ISM2: variants seen among roughly 807,000 people sequenced by gnomAD.
ISM2 encodes isthmin 2, also known as isthmin-2.
A neutral mutation model predicts 58.0 loss-of-function variants in ISM2; 50 were observed. That is an observed-to-expected ratio of 0.86 (90% confidence interval 0.69 to 1.09). The LOEUF (loss-of-function observed/expected upper bound fraction) is 1.09. ISM2 is among the 50% of genes least tolerant of loss of function. The pLI, the probability that ISM2 is intolerant of heterozygous loss-of-function variation, is 0.00. For synonymous variants in ISM2, 303 were observed against 312.4 expected (o/e 0.97, Z 0.32); for missense variants, 723 against 745.0 (o/e 0.97, Z 0.34).
chr14:77,482,221 CA>C, intron 4 of ISM2, 100 bp downstream of exon 4: 1 of 816,132 alleles, frequency 1.2e-6, no homozygotes, highest in Non-Finnish European at 2.0e-6. Context: ...CTGGCTTCCT[CA>C]ATGGTCTTGC....
Position 77,474,881 on chromosome 14 carries a change from A to C in ISM2, c.*714T>G, listed in dbSNP as rs1594944061. ...TGCACATCCCTACAATCAGCAGAAC[A>C]GAGGGGGCTGAGCAAAGGAAAGGGA... On this transcript the variant is annotated 3_prime_UTR_variant, in exon 7 of 7. Transcript: ENST00000342219. 1.3e-5 allele frequency: 2 copies of C among 152,382 alleles called. No homozygotes were observed. The highest frequency in any genetic ancestry group is 2.9e-5 in the Non-Finnish European group (2 of 68,068). The allele number at this position is 152,382 out of a possible 1,614,324, so 9.4% of individuals were successfully genotyped here.
At chr14:77,487,471 G>A (rs756634190) in intron 1 of ISM2, among the ~76,000 whole-genome samples, 7 of 152,210 alleles carry the variant, frequency 4.6e-5, no homozygotes, top group East Asian at 1.9e-4. Context: ...TGCTCAAAAT[G>A]TTCCTTTCCA....
In ISM2 at chr14:77,478,367, A is replaced by G. The variant is rs748816742; in HGVS notation, c.1115-42T>C. 16 of 1,560,552 alleles carry G rather than the reference A, an allele frequency of 1.0e-5. No individual in the cohort carries two copies. In the South Asian group the frequency reaches 1.8e-4, roughly 17 times the overall value. On this transcript the variant is annotated intron_variant, in intron 5 of 6. Transcript: ENST00000342219. The stretch of plus-strand genomic sequence containing the variant: ...GGCCAGGCTGGTGGCTCCGCAGGCC[A>G]CCTCAGTGCCGCTGATGGGGAAACC...
At chr14:77,494,900 T>G (rs2079229245) in intron 1 of ISM2, among the ~76,000 whole-genome samples, 1 of 151,702 alleles carries the variant, frequency 6.6e-6, no homozygotes, top group African/African-American at 2.4e-5. Flanking sequence ...TTATTTATTT[T>G]TGAGACAGGG....
At chr14:77,491,082 G>A (rs963683850) in intron 1 of ISM2, among the ~76,000 whole-genome samples, 3 of 152,172 alleles carry the variant, frequency 2.0e-5, no homozygotes, top group African/African-American at 7.2e-5. Context: ...CCACCCACCT[G>A]GCAGGTGAGA....
intron 6 of ISM2, among the ~76,000 whole-genome samples, chr14:77,477,592 C>T (rs1174942677): frequency 2.6e-5 from 4 of 152,244 alleles, no homozygotes; most frequent in Admixed American, 6.5e-5. Context: ...ATGGGTTATG[C>T]GTGTCTTTCC....
intron 3 of ISM2, among the ~76,000 whole-genome samples, chr14:77,483,630 G>A (rs538496200): frequency 1.3e-5 from 2 of 151,098 alleles, no homozygotes; most frequent in South Asian, 2.1e-4. Context: ...TTGCGTGTGC[G>A]TGTGCGTGTG....
At chr14:77,477,580 A>G (rs2079106071) in intron 6 of ISM2, among the ~76,000 whole-genome samples, 1 of 152,218 alleles carries the variant, frequency 6.6e-6, no homozygotes, top group African/African-American at 2.4e-5. Context: ...TGCAGTGCTC[A>G]CATGGGTTAT....
intron 4 of ISM2, among the ~76,000 whole-genome samples, chr14:77,479,204 C>T (rs564166202): frequency 6.6e-6 from 1 of 151,762 alleles, no homozygotes; most frequent in Admixed American, 6.6e-5. Flanking sequence ...GTAACTGGGA[C>T]TACAGGTACG....
chr14:77,496,097 C>T (rs574073094), intron 1 of ISM2, among the ~76,000 whole-genome samples: 37 of 151,676 alleles, frequency 2.4e-4, no homozygotes, highest in African/African-American at 7.7e-4. Flanking sequence ...CATCTGTAAT[C>T]CCAGCTACTC....
rs201033216 is a variant in ISM2, at chr14:77,475,120, C to A, written c.*475G>T. 932 of 147,074 alleles carry A rather than the reference C, an allele frequency of 6.3e-3. 5 individuals are homozygous for A. Among genetic ancestry groups the A allele is most frequent in the African/African-American group, 0.022 (895 of 40,080 alleles). 9.1% of individuals were successfully genotyped at this position (147,074 alleles called of 1,614,324 possible). ...GGCCACCCAGGCTGGATGCCCCCCCCGGCAAAGGATGGCTGTGCCCATGAG... is the reference window on the plus strand; with the variant it reads ...GGCCACCCAGGCTGGATGCCCCCCCAGGCAAAGGATGGCTGTGCCCATGAG... On this transcript the variant is annotated 3_prime_UTR_variant, in exon 7 of 7. Transcript: ENST00000342219. This position sits in a 1 kb window ranked among gnomAD's most constrained non-coding sequence, Gnocchi z 4.1.
At chr14:77,482,957 T>C (rs1370734163) in intron 3 of ISM2, 2 of 309,350 alleles carry the variant, frequency 6.5e-6, no homozygotes, top group Non-Finnish European at 5.9e-6. Context: ...TTCTAACACA[T>C]GCCAGGGTTG....
Position 77,478,231 on chromosome 14 carries a change from C to T in ISM2, c.1198+11G>A. 6.2e-7 allele frequency: 1 copy of T among 1,612,672 alleles called. No individual in the cohort carries two copies. The highest frequency in any genetic ancestry group is 8.5e-7 in the Non-Finnish European group (1 of 1,178,776). ...CCAAACCACCAGGGGCAAGCCTAGCCCCTCACTCACCTTGATCATGCATGT... is the reference window on the plus strand; with the variant it reads ...CCAAACCACCAGGGGCAAGCCTAGCTCCTCACTCACCTTGATCATGCATGT... On this transcript the variant is annotated intron_variant, in intron 6 of 6. Coordinates refer to ENST00000342219, the MANE Select transcript of ISM2 (RefSeq NM_199296.3).
In ISM2 at chr14:77,498,684, G is replaced by A; in HGVS notation, c.110C>T (p.Pro37Leu). ...GAGCCTCGTGAGGCTCCCAGGCCGT[G>A]GTCCGCGGAGCCGCGGCTTCTTCAC... ...LPVKKPRLRG[P>L]RPGSLTRLAE... Residue 37 changes from proline (P) to leucine (L), a missense_variant, in exon 1 of 7, where the codon CCA (proline) becomes CTA (leucine). Physicochemically the swap from Pro to Leu is moderately conservative, Grantham distance 98. Coordinates refer to ENST00000342219, the MANE Select transcript of ISM2 (RefSeq NM_199296.3). 6.8e-7 allele frequency: 1 copy of A among 1,481,098 alleles called. No homozygotes were observed. Among genetic ancestry groups the A allele is most frequent in the Non-Finnish European group, 8.9e-7 (1 of 1,123,962 alleles). 91.7% of individuals were successfully genotyped at this position (1,481,098 alleles called of 1,614,324 possible).
intron 3 of ISM2, 84 bp from the exon 4 acceptor site, chr14:77,482,751 A>G: frequency 1.2e-6 from 1 of 837,176 alleles, no homozygotes; most frequent in Non-Finnish European, 1.8e-6. Context: ...GGTCAGGGTC[A>G]GAGGTGAGAG....
chr14:77,481,264 T>C (rs1411057401), intron 4 of ISM2, among the ~76,000 whole-genome samples: 16 of 151,598 alleles, frequency 1.1e-4, no homozygotes, highest in African/African-American at 4.8e-5. Context: ...CGTCCGAACC[T>C]GGGAGGTGGA....
intron 1 of ISM2, among the ~76,000 whole-genome samples, chr14:77,491,685 T>G (rs4903588): frequency 0.23 from 33,536 of 147,896 alleles, 4,455 homozygotes; most frequent in African/African-American, 0.36. Flanking sequence ...GGCCACCGCG[T>G]CTGGTCTTTT....
intron 1 of ISM2, among the ~76,000 whole-genome samples, chr14:77,493,677 G>A (rs990035323): frequency 6.0e-5 from 9 of 150,176 alleles, no homozygotes; most frequent in Non-Finnish European, 1.2e-4. Context: ...GGCCAGGCTG[G>A]TCTCAAACTC....
rs1594951646 is a variant in ISM2 at position 77,487,167 on chromosome 14, C to A, written c.142-2248G>T. Reference sequence around the variant, plus strand: ...GGCTGAGGCAGGAGAATCGCTTGAACTGAGGCAGCAGAAGTTGCAGTGAGC... The same window carrying A: ...GGCTGAGGCAGGAGAATCGCTTGAAATGAGGCAGCAGAAGTTGCAGTGAGC... On this transcript the variant is annotated intron_variant, in intron 1 of 6. Transcript: ENST00000342219. Among the ~76,000 whole-genome samples the A allele has an allele frequency of 2.0e-5, 3 of 151,874 alleles. No homozygotes were observed. In the South Asian group the frequency reaches 6.3e-4, roughly 32 times the overall value.
Sources: gnomAD v4.1 joint callset for allele counts (sites outside exome capture counted in the v4.1 genomes callset) on GRCh38, gnomAD v4.1.1 for gene constraint, Gnocchi (gnomAD v3.1) non-coding constraint, MANE v1.5 for transcripts, NCBI Gene and HGNC (gene_info 2026-07-23, HGNC 2026-07-21) for gene names.